MITF: variants seen among roughly 807,000 people sequenced by gnomAD.
MITF encodes microphthalmia-associated transcription factor.
In MITF, 17 loss-of-function variants were observed where a neutral mutation model predicts 60.5. The observed-to-expected ratio is 0.28, with a 90% CI of 0.19 to 0.42. The LOEUF (loss-of-function observed/expected upper bound fraction) is 0.42. Ranked by LOEUF, MITF falls within the 10% of genes least tolerant of loss-of-function variation. The pLI, the probability that MITF is intolerant of heterozygous loss-of-function variation, is 1.00. For missense variants in MITF, 622 were observed against 683.5 expected, an observed-to-expected ratio of 0.91 and a Z score of 1.00; for synonymous variants, 260 against 248.5, an observed-to-expected ratio of 1.05 and a Z score of -0.43.
chr3:69,796,097 T>C (rs1559635314), intron 1 of MITF, among the ~76,000 whole-genome samples: 1 of 152,178 alleles, frequency 6.6e-6, no homozygotes, highest in Non-Finnish European at 1.5e-5. Flanking sequence ...TTCTCCTGTC[T>C]CAGACTCCCG....
At chr3:69,788,167 G>T (rs984792101) in intron 1 of MITF, among the ~76,000 whole-genome samples, 16 of 150,598 alleles carry the variant, frequency 1.1e-4, no homozygotes, top group African/African-American at 3.7e-4. Flanking sequence ...TAAGTTTTAG[G>T]GTACATGTGC....
At chr3:69,859,740 G>T (rs1481524656) in intron 1 of MITF, among the ~76,000 whole-genome samples, 1 of 152,068 alleles carries the variant, frequency 6.6e-6, no homozygotes, top group Non-Finnish European at 1.5e-5. Context: ...GATAGGCAGA[G>T]ACATTCATAT....
chr3:69,926,723 G>A (rs916677001), intron 2 of MITF, among the ~76,000 whole-genome samples: 2 of 152,160 alleles, frequency 1.3e-5, no homozygotes, highest in African/African-American at 2.4e-5. Flanking sequence ...ATTGAACCAC[G>A]TAATTGTGGC....
At position 69,956,451 on chromosome 3, in the gene MITF, G is replaced by A. The variant is rs765750620; in HGVS notation, c.956-4G>A. ...ATAGCCTTTCCTGTGCTCTTTTCTT[G>A]AAGTTGAACGAAGAAGAAGATTTAA... On this transcript the variant is annotated splice_polypyrimidine_tract_variant and splice_region_variant and intron_variant, in intron 7 of 9. Coordinates refer to ENST00000352241, the MANE Select transcript of MITF (RefSeq NM_001354604.2). 1.1e-5 allele frequency: 18 copies of A among 1,611,830 alleles called. No individual in the cohort carries two copies. The highest frequency in any genetic ancestry group is 1.4e-5 in the Non-Finnish European group (17 of 1,178,198).
At chr3:69,764,106 T>C (rs1298273551) in intron 1 of MITF, among the ~76,000 whole-genome samples, 1 of 152,226 alleles carries the variant, frequency 6.6e-6, no homozygotes, top group Non-Finnish European at 1.5e-5. Flanking sequence ...CTTGTTTCAG[T>C]GAACATTTTT....
intron 1 of MITF, among the ~76,000 whole-genome samples, chr3:69,768,462 A>G (rs115486951): frequency 5.9e-4 from 90 of 152,354 alleles, no homozygotes; most frequent in African/African-American, 2.0e-3. Context: ...AGTTCTAGAT[A>G]TCTTCTCATA....
intron 1 of MITF, among the ~76,000 whole-genome samples, chr3:69,745,367 A>G (rs981373193): frequency 5.9e-5 from 9 of 152,148 alleles, no homozygotes; most frequent in African/African-American, 2.2e-4. Context: ...GGTGAGGGAA[A>G]GAGAACTCAT....
chr3:69,893,518 G>A (rs1383246201), intron 2 of MITF, among the ~76,000 whole-genome samples: 1 of 152,066 alleles, frequency 6.6e-6, no homozygotes, highest in African/African-American at 2.4e-5. Flanking sequence ...CACTTAGCAC[G>A]GTGCCAGGCG....
chr3:69,910,446 T>C (rs150336058), intron 2 of MITF, among the ~76,000 whole-genome samples: 2,346 of 152,246 alleles, frequency 0.015, 29 homozygotes, highest in Middle Eastern at 0.051. Context: ...AGAGGGCCAC[T>C]ATCCTCCATA....
At chr3:69,756,807 CT>C (rs1287841713) in intron 1 of MITF, among the ~76,000 whole-genome samples, 1 of 152,150 alleles carries the variant, frequency 6.6e-6, no homozygotes, top group Non-Finnish European at 1.5e-5. Context: ...TGTTTCCTGA[CT>C]TTTTAATGAT....
In MITF at chr3:69,845,569, G is replaced by T. The variant is rs551126977; in HGVS notation, c.105-33565G>T. On this transcript the variant is annotated intron_variant, in intron 1 of 9. Coordinates refer to ENST00000352241, the MANE Select transcript of MITF (RefSeq NM_001354604.2). ...TTTGCATTAAGAACTGAAGAGTTAA[G>T]TAATTTTCACATACAATTTGGGATT... Among the ~76,000 whole-genome samples, 218 of 151,490 alleles carry T rather than the reference G, an allele frequency of 1.4e-3. 2 individuals carry two copies. Among genetic ancestry groups the T allele is most frequent in the Middle Eastern group, 3.4e-3 (1 of 292 alleles).
intron 5 of MITF, among the ~76,000 whole-genome samples, chr3:69,941,914 A>G (rs1392289831): frequency 6.6e-6 from 1 of 152,150 alleles, no homozygotes; most frequent in Non-Finnish European, 1.5e-5. Flanking sequence ...CTGTTTTACC[A>G]AAGTCTTATT....
At position 69,967,949 on chromosome 3, in the gene MITF, A is replaced by G. The variant is rs1185602351; in HGVS notation, c.*2701A>G. 4.3e-6 allele frequency: 1 copy of G among 233,384 alleles called. No homozygotes were observed. The highest frequency in any genetic ancestry group is 8.5e-6 in the Non-Finnish European group (1 of 117,934). The allele number at this position is 233,384 out of a possible 1,614,324, so 14.5% of individuals were successfully genotyped here. A position where few individuals can be genotyped will look rare whatever the true frequency, so the allele number is the denominator to read the frequency against. ...AAATACCAAACCTTCTGACTTTGCC[A>G]AAAAGCATACAAGCAACCTGGTCAT... On this transcript the variant is annotated 3_prime_UTR_variant, in exon 10 of 10. Transcript: ENST00000352241.
intron 1 of MITF, among the ~76,000 whole-genome samples, chr3:69,764,467 AG>A (rs2062259617): frequency 6.6e-6 from 1 of 152,228 alleles, no homozygotes; most frequent in Non-Finnish European, 1.5e-5. Context: ...CAAGTACTGT[AG>A]GAACATAGGG....
intron 2 of MITF, among the ~76,000 whole-genome samples, chr3:69,918,435 T>C (rs1003025545): frequency 6.6e-6 from 1 of 152,200 alleles, no homozygotes; most frequent in Admixed American, 6.5e-5. Context: ...AAAATTTCCT[T>C]GGTGTTTTTT....
intron 2 of MITF, chr3:69,936,611 T>C: frequency 6.4e-7 from 1 of 1,563,318 alleles, no homozygotes; most frequent in Non-Finnish European, 8.7e-7. Context: ...TCGGGATACC[T>C]TGTTTATAGT....
At chr3:69,744,694 A>G (rs1174336823) in intron 1 of MITF, among the ~76,000 whole-genome samples, 1 of 152,188 alleles carries the variant, frequency 6.6e-6, no homozygotes, top group African/African-American at 2.4e-5. Context: ...CATTTGCTTG[A>G]CTGTGGTTGT....
At position 69,799,439 on chromosome 3, in the gene MITF, C is replaced by T. The variant is rs113854033; in HGVS notation, c.104+59738C>T. On this transcript the variant is annotated intron_variant, in intron 1 of 9. Transcript: ENST00000352241. ...ACAGTTTTTATTTCTCTGATTTAAG[C>T]ATTGTCACATTGGCTCTTTTTGTTG... 4.3e-3 allele frequency among the ~76,000 whole-genome samples: 661 copies of T among 152,310 alleles called. 5 individuals carry two copies. The highest frequency in any genetic ancestry group is 0.015 in the African/African-American group (613 of 41,568).
chr3:69,869,685 A>G (rs1403850642), intron 1 of MITF, among the ~76,000 whole-genome samples: 1 of 151,964 alleles, frequency 6.6e-6, no homozygotes, highest in South Asian at 2.1e-4. Flanking sequence ...AGGACTACTC[A>G]CTCCTGCCAA....
Sources: gnomAD v4.1 joint callset for allele counts (sites outside exome capture counted in the v4.1 genomes callset) on GRCh38, gnomAD v4.1.1 for gene constraint, MANE v1.5 for transcripts, NCBI Gene and HGNC (gene_info 2026-07-23, HGNC 2026-07-21) for gene names.